NME9: variants seen among roughly 807,000 people sequenced by gnomAD.
The protein encoded by NME9 is thioredoxin domain-containing protein 6.
Under a neutral mutation model 44.4 loss-of-function variants are expected in NME9, and 48 were observed. That is an observed-to-expected ratio of 1.08 (90% CI 0.86 to 1.37). The LOEUF (loss-of-function observed/expected upper bound fraction) is 1.37. Among genes scored for constraint, NME9 ranks in the 40% most tolerant of loss-of-function variants. The probability of loss-of-function intolerance (pLI) is 0.00; values close to 1 mark genes in which losing one functional copy is unlikely to be tolerated. For synonymous variants in NME9, 139 were observed against 147.1 expected (o/e 0.94, Z 0.40); for missense variants, 325 against 405.2 (o/e 0.80, Z 1.70).
intron 8 of NME9, chr3:138,262,724 ACCAAGG>A (rs1345830947): frequency 1.1e-6 from 1 of 886,854 alleles, no homozygotes; most frequent in Non-Finnish European, 1.6e-6. Flanking sequence ...TGCAAGGACA[ACCAAGG>A]TTAAGATCTA....
intron 9 of NME9, 120 bp downstream of exon 9, chr3:138,304,753 G>A (rs140411113): frequency 1.0e-6 from 1 of 968,888 alleles, no homozygotes; most frequent in South Asian, 1.6e-5. Flanking sequence ...ATAATAGAGA[G>A]CCTGGCCATC....
chr3:138,298,991 G>C (rs2051705981), downstream of NME9, among the ~76,000 whole-genome samples: 3 of 152,136 alleles, frequency 2.0e-5, no homozygotes, highest in South Asian at 6.2e-4. Flanking sequence ...GCAGGCCCCT[G>C]TTTCCCATAA....
chr3:138,319,881 T>C (rs2053357128), intron 2 of NME9, among the ~76,000 whole-genome samples: 1 of 152,222 alleles, frequency 6.6e-6, no homozygotes, highest in Non-Finnish European at 1.5e-5. Context: ...GGGTTAGGCC[T>C]AACACAGGGT....
At chr3:138,300,974 G>T (rs567703433), downstream of NME9, 269 of 796,506 alleles carry the variant, frequency 3.4e-4, no homozygotes, top group Non-Finnish European at 4.0e-4. Context: ...CAAGCTCATG[G>T]TTACCAAATT....
chr3:138,270,268 A>G, intron 8 of NME9: 1 of 673,600 alleles, frequency 1.5e-6, no homozygotes, highest in Non-Finnish European at 2.5e-6. Context: ...TAGTTTTCTA[A>G]TGACTAGGAC....
intron 6 of NME9, among the ~76,000 whole-genome samples, chr3:138,307,776 G>A (rs770145728): frequency 1.3e-5 from 2 of 152,194 alleles, no homozygotes; most frequent in Non-Finnish European, 2.9e-5. Flanking sequence ...GGAGAGGCCA[G>A]AGACATAGAA....
intron 8 of NME9, among the ~76,000 whole-genome samples, chr3:138,264,985 G>GC (rs1181535635): frequency 6.6e-6 from 1 of 150,894 alleles, no homozygotes. Context: ...GCAGCCTTGT[G>GC]CCCCCCGGCC....
intron 8 of NME9, among the ~76,000 whole-genome samples, chr3:138,276,232 C>G (rs2108320650): frequency 6.6e-6 from 1 of 152,318 alleles, no homozygotes; most frequent in Admixed American, 6.5e-5. Flanking sequence ...AAGTTTAATG[C>G]TTCTCAAAAG....
At chr3:138,304,843 G>A in intron 9 of NME9, 30 bp downstream of exon 9, 1 of 1,606,282 alleles carries the variant, frequency 6.2e-7, no homozygotes, top group Non-Finnish European at 8.5e-7. Context: ...GTTTTAAGAT[G>A]GATGAAAGGA....
intron 8 of NME9, among the ~76,000 whole-genome samples, chr3:138,278,171 C>G (rs2049491262): frequency 6.6e-6 from 1 of 152,104 alleles, no homozygotes; most frequent in Admixed American, 6.5e-5. Flanking sequence ...GATAGAACTG[C>G]TCTGTAAATG....
At chr3:138,314,495 C>G (rs1010918733) in intron 5 of NME9, 88 bp from the exon 6 acceptor site, 1 of 785,172 alleles carries the variant, frequency 1.3e-6, no homozygotes, top group African/African-American at 1.8e-5. Flanking sequence ...CTAAAAAAAG[C>G]AAAGCTCCAA....
chr3:138,262,485 C>A (rs527384088), exon 9 of NME9: 1 of 1,576,656 alleles, frequency 6.3e-7, no homozygotes, highest in Non-Finnish European at 8.6e-7. Context: ...GCTGAAACAT[C>A]CTGAGGTTTT....
In NME9 at chr3:138,329,679, A is replaced by C. The variant is rs2054005726; in HGVS notation, c.-344T>G. The stretch of plus-strand genomic sequence containing the variant: ...CCGGGCGCGGTGCAGCCTGTCGGGC[A>C]CAGGGTCGCCAGTCGAGGAATTCTG... On this transcript the variant is annotated 5_prime_UTR_variant, in exon 1 of 11. Transcript: ENST00000333911. 2 of 1,199,270 alleles carry C rather than the reference A, an allele frequency of 1.7e-6. No homozygotes were observed. The highest frequency in any genetic ancestry group is 2.6e-5 in the South Asian group (1 of 38,918). 74.3% of individuals were successfully genotyped at this position (1,199,270 alleles called of 1,614,324 possible). A position where few individuals can be genotyped will look rare whatever the true frequency, so the allele number is the denominator to read the frequency against.
chr3:138,287,562 T>G, intron 8 of NME9: 1 of 453,456 alleles, frequency 2.2e-6, no homozygotes, highest in Non-Finnish European at 4.4e-6. Context: ...TACAAGCTCA[T>G]TTATTCAACA....
chr3:138,263,394 C>A, intron 8 of NME9: 1 of 236,422 alleles, frequency 4.2e-6, no homozygotes, highest in Non-Finnish European at 8.4e-6. Flanking sequence ...CTGGAAGGAA[C>A]CTGCCCAATG....
chr3:138,327,468 C>T (rs1487024945), intron 1 of NME9, among the ~76,000 whole-genome samples: 11 of 152,156 alleles, frequency 7.2e-5, no homozygotes, highest in African/African-American at 2.7e-4. Flanking sequence ...GTTGAAGAAT[C>T]TCAGCCCTGG....
intron 8 of NME9, among the ~76,000 whole-genome samples, chr3:138,278,507 A>G (rs940084149): frequency 2.6e-5 from 4 of 152,164 alleles, no homozygotes; most frequent in African/African-American, 9.7e-5. Flanking sequence ...CCATCTCAAA[A>G]AAAAAAAGAT....
intron 8 of NME9, among the ~76,000 whole-genome samples, chr3:138,287,106 C>T (rs2050506376): frequency 6.6e-6 from 1 of 152,230 alleles, no homozygotes; most frequent in Admixed American, 6.5e-5. Context: ...CACTTCCTCA[C>T]TGTCACTCCA....
intron 8 of NME9, among the ~76,000 whole-genome samples, chr3:138,288,216 T>TCACACACAC (rs1383645609): frequency 1.3e-5 from 2 of 152,218 alleles, no homozygotes; most frequent in African/African-American, 4.8e-5. Context: ...GTCTAGGTGT[T>TCACACACAC]ACAGAACTTC....
Sources: gnomAD v4.1 joint callset for allele counts (sites outside exome capture counted in the v4.1 genomes callset) on GRCh38, gnomAD v4.1.1 for gene constraint, MANE v1.5 for transcripts, NCBI Gene and HGNC (gene_info 2026-07-23, HGNC 2026-07-21) for gene names.